Variants in EYS observed in about 807,000 individuals in gnomAD.
EYS encodes protein eyes shut homolog.
A neutral mutation model predicts 282.1 loss-of-function variants in EYS; 250 were observed. The observed-to-expected ratio is 0.89, with a 90% CI of 0.80 to 0.98. The LOEUF (loss-of-function observed/expected upper bound fraction) is 0.98. Among genes scored for constraint, EYS ranks in the 50% least tolerant of loss-of-function variants. EYS has a pLI of 0.00. For synonymous variants in EYS, 1,355 were observed against 1,282.9 expected (o/e 1.06, Z -1.20); for missense variants, 4,016 against 3,709.0 (o/e 1.08, Z -2.15).
At position 65,567,193 on chromosome 6, in the gene EYS, C is replaced by T. The variant is rs990354985; in HGVS notation, c.-332-71200G>A. ...CAAGAAGGCTGTCACCAGATCCAGG[C>T]ACTTCAACCTGGGAATGCCCACTCT... On this transcript the variant is annotated intron_variant, in intron 2 of 42. Transcript: ENST00000503581. Among the ~76,000 whole-genome samples the T allele has an allele frequency of 1.1e-4, 16 of 151,774 alleles. 1 individual carries two copies. In the Middle Eastern group the frequency reaches 0.014, roughly 130 times the overall value.
chr6:65,257,281 C>G (rs1767495269), intron 12 of EYS, among the ~76,000 whole-genome samples: 1 of 71,768 alleles, frequency 1.4e-5, no homozygotes, highest in Non-Finnish European at 2.6e-5. Flanking sequence ...TTAATTAGAT[C>G]CCATTTGTCA....
chr6:64,483,390 G>A (rs1446649438), intron 26 of EYS, among the ~76,000 whole-genome samples: 3 of 151,650 alleles, frequency 2.0e-5, no homozygotes, highest in Non-Finnish European at 4.4e-5. Context: ...AAACGTTGGA[G>A]GTGCTGAAGA....
intron 14 of EYS, among the ~76,000 whole-genome samples, chr6:64,952,535 C>T (rs1263711328): frequency 6.6e-6 from 1 of 151,964 alleles, no homozygotes; most frequent in East Asian, 1.9e-4. Flanking sequence ...AACTACTTCT[C>T]AGTCTCTGTG....
chr6:64,935,700 A>G (rs1768884650), intron 15 of EYS, among the ~76,000 whole-genome samples: 1 of 151,756 alleles, frequency 6.6e-6, no homozygotes, highest in South Asian at 2.1e-4. Context: ...AACCAATTAT[A>G]AAGGCTAAAT....
chr6:64,299,000 T>C (rs983292351), intron 30 of EYS, among the ~76,000 whole-genome samples: 1 of 152,152 alleles, frequency 6.6e-6, no homozygotes, highest in African/African-American at 2.4e-5. Flanking sequence ...CATATATAAA[T>C]GTAGGAGTTC....
At chr6:63,890,781 C>A (rs1246316556) in intron 35 of EYS, among the ~76,000 whole-genome samples, 1 of 152,014 alleles carries the variant, frequency 6.6e-6, no homozygotes, top group Non-Finnish European at 1.5e-5. Flanking sequence ...CATGAAAAAC[C>A]CTTCAAAACA....
rs1170410821 is a variant in EYS, at chr6:65,301,304, G to A, written c.1767-5185C>T. On this transcript the variant is annotated intron_variant, in intron 11 of 42. Transcript: ENST00000503581. ...AGGTCAGGAGATCGAGACCATCCTG[G>A]CTAACACGGTGAAACCCCGTCTCTA... Among the ~76,000 whole-genome samples the A allele has an allele frequency of 5.3e-5, 8 of 152,204 alleles. No homozygotes were observed. In the South Asian group the frequency reaches 1.0e-3, roughly 20 times the overall value.
chr6:65,194,956 T>C (rs951916792), intron 12 of EYS, among the ~76,000 whole-genome samples: 2 of 151,840 alleles, frequency 1.3e-5, no homozygotes, highest in African/African-American at 4.8e-5. Context: ...TGGGTTTCTA[T>C]TTTTTCCTAC....
intron 5 of EYS, among the ~76,000 whole-genome samples, chr6:65,431,004 G>T (rs993759049): frequency 6.6e-6 from 1 of 152,080 alleles, no homozygotes; most frequent in East Asian, 1.9e-4. Context: ...GAAAGCAGAG[G>T]AAAAAGAAGA....
intron 31 of EYS, among the ~76,000 whole-genome samples, chr6:64,226,023 T>C (rs1166416515): frequency 5.3e-5 from 8 of 152,140 alleles, no homozygotes; most frequent in Admixed American, 5.3e-4. Context: ...CAAACACCTG[T>C]TTCTTGGTCC....
At chr6:64,014,991 G>A (rs748273057) in intron 33 of EYS, among the ~76,000 whole-genome samples, 21 of 152,080 alleles carry the variant, frequency 1.4e-4, no homozygotes, top group Non-Finnish European at 2.9e-4. Flanking sequence ...AAAATAGGTA[G>A]AACTGATGAA....
At chr6:64,554,876 G>C (rs1405671307) in intron 26 of EYS, among the ~76,000 whole-genome samples, 1 of 152,000 alleles carries the variant, frequency 6.6e-6, no homozygotes, top group Non-Finnish European at 1.5e-5. Flanking sequence ...AAAGTAGCAA[G>C]TGTTGGAGAG....
At chr6:64,559,270 CATGTGT>C (rs1235443887) in intron 26 of EYS, among the ~76,000 whole-genome samples, 2 of 81,932 alleles carry the variant, frequency 2.4e-5, no homozygotes, top group Non-Finnish European at 5.2e-5. Flanking sequence ...TGTGTGTGTG[CATGTGT>C]GTGTGTGTGT....
At position 65,150,483 on chromosome 6, in the gene EYS, G is replaced by A. The variant is rs1003832404; in HGVS notation, c.2024-92756C>T. Among the ~76,000 whole-genome samples the A allele has an allele frequency of 2.0e-5, 3 of 151,784 alleles. No individual in the cohort carries two copies. The East Asian group carries it at 5.8e-4, about 30-fold the overall frequency. ...AATCACTCCCCTACATGTAGGTTATGTGGTTTTGTTATATTAACCCCAGAA... is the reference window on the plus strand; with the variant it reads ...AATCACTCCCCTACATGTAGGTTATATGGTTTTGTTATATTAACCCCAGAA... On this transcript the variant is annotated intron_variant, in intron 12 of 42. Transcript: ENST00000503581.
At chr6:64,234,927 G>T (rs923789771) in intron 30 of EYS, among the ~76,000 whole-genome samples, 1 of 151,232 alleles carries the variant, frequency 6.6e-6, no homozygotes, top group Non-Finnish European at 1.5e-5. Context: ...CACCCAGGCT[G>T]GAGTGTAATG....
intron 14 of EYS, among the ~76,000 whole-genome samples, chr6:64,970,668 C>A (rs1350495371): frequency 6.6e-6 from 1 of 152,154 alleles, no homozygotes; most frequent in East Asian, 1.9e-4. Context: ...ATAGATTTTT[C>A]TTCCTGTTTA....
At chr6:65,284,626 A>G (rs1479767610) in intron 12 of EYS, among the ~76,000 whole-genome samples, 1 of 152,110 alleles carries the variant, frequency 6.6e-6, no homozygotes, top group Non-Finnish European at 1.5e-5. Context: ...TTTTTGGTGT[A>G]TAAATAAAAA....
intron 31 of EYS, among the ~76,000 whole-genome samples, chr6:64,228,280 T>C (rs1358746221): frequency 6.6e-6 from 1 of 152,176 alleles, no homozygotes; most frequent in African/African-American, 2.4e-5. Flanking sequence ...ATCACTTTAA[T>C]ATTTACGAAT....
intron 33 of EYS, among the ~76,000 whole-genome samples, chr6:64,011,134 C>A (rs1768602700): frequency 6.6e-6 from 1 of 151,926 alleles, no homozygotes; most frequent in South Asian, 2.1e-4. Context: ...GTACTCTTAC[C>A]TTCTTTGCTG....
Sources: allele counts gnomAD v4.1 joint callset (sites outside exome capture counted in the v4.1 genomes callset), GRCh38; gene constraint gnomAD v4.1.1; transcripts MANE v1.5; gene names NCBI Gene and HGNC (gene_info 2026-07-23, HGNC 2026-07-21).